The following MAST4 variants were observed in gnomAD, a reference collection of about 807,000 sequenced individuals.
The protein encoded by MAST4 is microtubule associated serine/threonine kinase family member 4.
Under a neutral mutation model 162.7 loss-of-function variants are expected in MAST4, and 89 were observed. That is an observed-to-expected ratio of 0.55 (90% CI 0.46 to 0.65). MAST4 has a LOEUF of 0.65. Ranked by LOEUF, MAST4 falls within the 30% of genes least tolerant of loss-of-function variation. The pLI is 0.00. For synonymous variants in MAST4, 1,479 were observed against 1,361.1 expected, an observed-to-expected ratio of 1.09 and a Z score of -1.91; for missense variants, 3,153 against 3,374.0, an observed-to-expected ratio of 0.93 and a Z score of 1.62.
chr5:66,641,827 A>C (rs1331164311), intron 1 of MAST4, among the ~76,000 whole-genome samples: 5 of 152,200 alleles, frequency 3.3e-5, no homozygotes, highest in Non-Finnish European at 5.9e-5. Context: ...TAACTTCAAA[A>C]TTATACCAAA....
chr5:66,937,879 G>A (rs1266954135), intron 4 of MAST4, among the ~76,000 whole-genome samples: 1 of 151,630 alleles, frequency 6.6e-6, no homozygotes, highest in African/African-American at 2.4e-5. Flanking sequence ...TCTTTTCCTT[G>A]TAGTTAACCC....
chr5:67,141,665 A>G (rs991598201), intron 19 of MAST4, among the ~76,000 whole-genome samples: 1 of 152,242 alleles, frequency 6.6e-6, no homozygotes, highest in African/African-American at 2.4e-5. Context: ...GGTAACCCCT[A>G]TAAATAATAT....
At chr5:66,631,358 A>G (rs16895345) in intron 1 of MAST4, among the ~76,000 whole-genome samples, 3,448 of 152,274 alleles carry the variant, frequency 0.023, 78 homozygotes, top group African/African-American at 0.058. Flanking sequence ...GGAATGAGGT[A>G]TTAAATGAAA....
intron 1 of MAST4, among the ~76,000 whole-genome samples, chr5:66,744,967 T>G (rs1281149661): frequency 6.6e-6 from 1 of 152,204 alleles, no homozygotes; most frequent in Non-Finnish European, 1.5e-5. Flanking sequence ...TTTATAGTTC[T>G]GAAAAAATGT....
At chr5:66,949,436 GC>G (rs1744410812) in intron 4 of MAST4, among the ~76,000 whole-genome samples, 1 of 152,126 alleles carries the variant, frequency 6.6e-6, no homozygotes, top group Non-Finnish European at 1.5e-5. Flanking sequence ...AGGGGCTTCC[GC>G]CTTCACTCGG....
intron 1 of MAST4, among the ~76,000 whole-genome samples, chr5:66,731,335 T>C (rs1179090016): frequency 2.0e-5 from 3 of 152,196 alleles, no homozygotes; most frequent in Non-Finnish European, 4.4e-5. Context: ...TTTCAGTTAA[T>C]GTGTCATGAT....
At chr5:67,019,606 G>A (rs974592796) in intron 4 of MAST4, among the ~76,000 whole-genome samples, 9 of 152,166 alleles carry the variant, frequency 5.9e-5, no homozygotes, top group African/African-American at 2.2e-4. Context: ...TTTCCCCTCT[G>A]TCTTTTGGGG....
intron 4 of MAST4, among the ~76,000 whole-genome samples, chr5:66,900,504 G>A (rs766283927): frequency 6.6e-5 from 10 of 151,982 alleles, no homozygotes; most frequent in Non-Finnish European, 1.3e-4. Flanking sequence ...TTTATAGTGT[G>A]TTTTATTCTT....
intron 6 of MAST4, among the ~76,000 whole-genome samples, chr5:67,093,853 C>G (rs1360995912): frequency 6.6e-6 from 1 of 152,110 alleles, no homozygotes; most frequent in Non-Finnish European, 1.5e-5. Context: ...AAATCATATC[C>G]TTTTCTTACT....
At chr5:66,728,250 C>G (rs1751639988) in intron 1 of MAST4, among the ~76,000 whole-genome samples, 1 of 152,128 alleles carries the variant, frequency 6.6e-6, no homozygotes, top group African/African-American at 2.4e-5. Flanking sequence ...ATAGAATGAG[C>G]TAAAATTAAA....
Position 67,152,784 on chromosome 5 carries a change from G to C in MAST4, c.3443G>C (p.Gly1148Ala), listed in dbSNP as rs936286508. ...CAGCCGATTGTGATCCACAGTTCGG[G>C]GAAGAACTACGGCTTTACCATCCGA... ...PHQPIVIHSS[G>A]KNYGFTIRAI... Residue 1148 changes from glycine (G) to alanine (A), a missense_variant, in exon 25 of 29, where the codon GGG becomes GCG. Coordinates refer to ENST00000403625, the MANE Select transcript of MAST4 (RefSeq NM_001164664.2). 12 of 1,614,032 alleles carry C rather than the reference G, an allele frequency of 7.4e-6. No homozygotes were observed. The highest frequency in any genetic ancestry group is 1.7e-5 in the Admixed American group (1 of 60,028).
intron 11 of MAST4, among the ~76,000 whole-genome samples, 181 bp from the exon 12 acceptor site, chr5:67,113,906 A>G (rs1337959018): frequency 2.0e-4 from 30 of 152,248 alleles, no homozygotes; most frequent in Admixed American, 2.0e-3. Flanking sequence ...GGCTTAGAAT[A>G]TGAATAGGCT....
Position 67,166,693 on chromosome 5 carries a change from C to G in MAST4, c.7514C>G (p.Ala2505Gly). The change falls in exon 29 of 29, where the codon GCT (alanine) becomes GGT (glycine). Residue 2505 changes from alanine (A) to glycine (G), a missense_variant. Physicochemically the swap from Ala to Gly is moderately conservative, Grantham distance 60. Around this residue, in one of 7 missense-constraint regions of MAST4, gnomAD observed 1,644 missense variants for 1,495.0 expected, o/e 1.10. Coordinates refer to ENST00000403625, the MANE Select transcript of MAST4 (RefSeq NM_001164664.2). ...PAPSNRDHRK[A>G]QPAGEGRTHM... ...CCCAGCAACAGGGACCATAGGAAGGCTCAGCCTGCCGGGGAGGGCCGAACC... is the reference window on the plus strand; with the variant it reads ...CCCAGCAACAGGGACCATAGGAAGGGTCAGCCTGCCGGGGAGGGCCGAACC... 1 of 1,591,554 alleles carries G rather than the reference C, an allele frequency of 6.3e-7. No homozygotes were observed. The highest frequency in any genetic ancestry group is 8.6e-7 in the Non-Finnish European group (1 of 1,169,344).
intron 4 of MAST4, among the ~76,000 whole-genome samples, chr5:66,930,499 TGG>T (rs1434571969): frequency 6.6e-6 from 1 of 152,192 alleles, no homozygotes; most frequent in African/African-American, 2.4e-5. Flanking sequence ...TCATTGTATT[TGG>T]TCCAGTGGTG....
chr5:66,948,201 G>A (rs556774928), intron 4 of MAST4, among the ~76,000 whole-genome samples: 1 of 152,146 alleles, frequency 6.6e-6, no homozygotes, highest in Admixed American at 6.5e-5. Flanking sequence ...GAGAACCCGT[G>A]CCACATTCCG....
At chr5:66,779,739 AGAG>A (rs1754766861) in intron 2 of MAST4, among the ~76,000 whole-genome samples, 1 of 152,226 alleles carries the variant, frequency 6.6e-6, no homozygotes, top group African/African-American at 2.4e-5. Context: ...GCAATGGGGC[AGAG>A]AAGAAGAATC....
At chr5:66,770,801 CAGTTCTGT>C (rs1210570754) in intron 2 of MAST4, among the ~76,000 whole-genome samples, 1 of 152,164 alleles carries the variant, frequency 6.6e-6, no homozygotes, top group Non-Finnish European at 1.5e-5. Flanking sequence ...ATCAGTTTTA[CAGTTCTGT>C]ACCTGATAGT....
At chr5:66,816,372 C>T (rs1012575630) in intron 3 of MAST4, among the ~76,000 whole-genome samples, 3 of 152,136 alleles carry the variant, frequency 2.0e-5, no homozygotes, top group African/African-American at 7.2e-5. Context: ...CTTCCTTTCC[C>T]TCTGTTTCTA....
intron 4 of MAST4, among the ~76,000 whole-genome samples, chr5:67,048,191 T>C (rs1343994580): frequency 6.6e-6 from 1 of 152,200 alleles, no homozygotes; most frequent in Non-Finnish European, 1.5e-5. Context: ...TCTAGATCTT[T>C]AATGTTGCAA....
Sources: gnomAD v4.1 joint callset for allele counts (sites outside exome capture counted in the v4.1 genomes callset) on GRCh38, gnomAD v4.1.1 for gene constraint, gnomAD v4.1.1 regional missense constraint, MANE v1.5 for transcripts, NCBI Gene and HGNC (gene_info 2026-07-23, HGNC 2026-07-21) for gene names.